The following ASAP1 variants were observed in gnomAD, a reference collection of about 807,000 sequenced individuals.
ASAP1 encodes the protein ArfGAP with SH3 domain, ankyrin repeat and PH domain 1, also known as arf-GAP with SH3 domain, ANK repeat and PH domain-containing protein 1.
Under a neutral mutation model 145.2 loss-of-function variants are expected in ASAP1, and 43 were observed. That is an observed-to-expected ratio of 0.30 (90% CI 0.23 to 0.38). The LOEUF (loss-of-function observed/expected upper bound fraction) is 0.38, where lower values mean the gene tolerates loss of function less well. ASAP1 is among the 10% of genes least tolerant of loss of function. The probability of loss-of-function intolerance (pLI) is 1.00; values close to 1 mark genes in which losing one functional copy is unlikely to be tolerated. For missense variants in ASAP1, 1,018 were observed against 1,355.3 expected, an observed-to-expected ratio of 0.75 and a Z score of 3.91; for synonymous variants, 546 against 515.5, an observed-to-expected ratio of 1.06 and a Z score of -0.80.
At chr8:130,267,944 C>A (rs146178150) in intron 3 of ASAP1, among the ~76,000 whole-genome samples, 62 of 152,254 alleles carry the variant, frequency 4.1e-4, no homozygotes, top group African/African-American at 1.5e-3. Flanking sequence ...TGGTGTTACA[C>A]AAAGCAACAT....
At chr8:130,385,382 G>C (rs556731712) in intron 2 of ASAP1, among the ~76,000 whole-genome samples, 1 of 152,232 alleles carries the variant, frequency 6.6e-6, no homozygotes, top group Non-Finnish European at 1.5e-5. Flanking sequence ...CCCAGAGTTG[G>C]TGAATTAAGA....
At chr8:130,396,577 C>A (rs1828540408) in intron 2 of ASAP1, among the ~76,000 whole-genome samples, 1 of 152,212 alleles carries the variant, frequency 6.6e-6, no homozygotes, top group African/African-American at 2.4e-5. Context: ...AAACACATTT[C>A]TTTTTCTTTT....
chr8:130,129,750 T>C (rs751127433), intron 15 of ASAP1, among the ~76,000 whole-genome samples: 1 of 152,214 alleles, frequency 6.6e-6, no homozygotes, highest in South Asian at 2.1e-4. Context: ...CCTTTGACTC[T>C]AGGTGGCGCT....
intron 12 of ASAP1, among the ~76,000 whole-genome samples, chr8:130,154,543 G>T (rs2097654014): frequency 6.6e-6 from 1 of 152,194 alleles, no homozygotes; most frequent in African/African-American, 2.4e-5. Flanking sequence ...GCCTTCTGTT[G>T]CTGTGGAAAC....
At chr8:130,249,368 GT>G (rs749364451) in intron 3 of ASAP1, among the ~76,000 whole-genome samples, 5 of 152,052 alleles carry the variant, frequency 3.3e-5, no homozygotes, top group Non-Finnish European at 7.4e-5. Flanking sequence ...TATATTCCTG[GT>G]TCTCCAAGTT....
At position 130,150,828 on chromosome 8, in the gene ASAP1, C is replaced by T. The variant is rs185749538; in HGVS notation, c.1080+1908G>A. Among the ~76,000 whole-genome samples, 19 of 152,148 alleles carry T rather than the reference C, an allele frequency of 1.2e-4. No individual in the cohort carries two copies. In the East Asian group the frequency reaches 1.4e-3, roughly 11 times the overall value. ...CCAGGATGCAGAGGTTGCAGTAAGC[C>T]GAGATCGTGCTACTGCATTCCAGCC... On this transcript the variant is annotated intron_variant, in intron 13 of 29. Coordinates refer to ENST00000518721, the MANE Select transcript of ASAP1 (RefSeq NM_018482.4).
intron 2 of ASAP1, among the ~76,000 whole-genome samples, chr8:130,393,478 A>T (rs1377309243): frequency 1.3e-5 from 2 of 152,220 alleles, no homozygotes; most frequent in Admixed American, 1.3e-4. Flanking sequence ...TAGGAAGGCC[A>T]AGCACAGTGG....
intron 5 of ASAP1, among the ~76,000 whole-genome samples, chr8:130,188,669 G>C (rs1489329479): frequency 8.1e-6 from 1 of 123,736 alleles, no homozygotes; most frequent in African/African-American, 2.9e-5. Flanking sequence ...GGGAGGCGGA[G>C]GTTGCAGTGA....
intron 2 of ASAP1, among the ~76,000 whole-genome samples, chr8:130,375,942 G>A (rs1827467821): frequency 6.6e-6 from 1 of 152,180 alleles, no homozygotes; most frequent in Non-Finnish European, 1.5e-5. Flanking sequence ...CTGATGTCCT[G>A]AGGAGTAGTG....
chr8:130,106,223 C>T lies in ASAP1; in HGVS notation c.2401+5871G>A, dbSNP rs146371198. On this transcript the variant is annotated intron_variant, in intron 24 of 29. Transcript: ENST00000518721. ...GAAAAAAACACCCTAAAACAAAACA[C>T]GAATCAAGGGTGACAGCCTATGAGA... is the stretch of plus-strand genomic sequence containing the variant. Among the ~76,000 whole-genome samples, 38 of 152,236 alleles carry T rather than the reference C, an allele frequency of 2.5e-4. 1 individual carries two copies. The East Asian group carries it at 6.8e-3, about 27-fold the overall frequency.
intron 3 of ASAP1, among the ~76,000 whole-genome samples, chr8:130,248,411 C>T (rs565550771): frequency 6.6e-6 from 1 of 152,224 alleles, no homozygotes; most frequent in African/African-American, 2.4e-5. Context: ...AGAAAACAGG[C>T]CCTTGTTGTT....
At chr8:130,155,954 C>T (rs986936025) in intron 12 of ASAP1, among the ~76,000 whole-genome samples, 9 of 152,184 alleles carry the variant, frequency 5.9e-5, no homozygotes, top group Admixed American at 5.2e-4. Flanking sequence ...TTGATCCCAG[C>T]GCGATCTCTA....
intron 24 of ASAP1, among the ~76,000 whole-genome samples, chr8:130,106,359 C>T (rs2097536855): frequency 6.6e-6 from 1 of 152,126 alleles, no homozygotes; most frequent in Non-Finnish European, 1.5e-5. Flanking sequence ...AAATATTTCC[C>T]ATGCGAGTCT....
intron 3 of ASAP1, among the ~76,000 whole-genome samples, chr8:130,320,620 G>A (rs532331031): frequency 9.7e-5 from 12 of 123,668 alleles, no homozygotes; most frequent in Non-Finnish European, 1.5e-4. Context: ...GAGAAGTCTA[G>A]GGCTGTATGA....
chr8:130,148,862 C>A (rs567023537), intron 13 of ASAP1, among the ~76,000 whole-genome samples: 2 of 151,898 alleles, frequency 1.3e-5, no homozygotes, highest in South Asian at 4.2e-4. Context: ...TGAGACAGGG[C>A]CTGGCTCTGT....
intron 3 of ASAP1, among the ~76,000 whole-genome samples, chr8:130,295,826 A>T (rs1479985941): frequency 3.3e-5 from 5 of 152,208 alleles, no homozygotes; most frequent in Non-Finnish European, 7.3e-5. Flanking sequence ...GAGATATCAG[A>T]AATCTTTTTG....
intron 3 of ASAP1, among the ~76,000 whole-genome samples, chr8:130,297,066 G>A (rs962772710): frequency 6.6e-6 from 1 of 152,172 alleles, no homozygotes; most frequent in Non-Finnish European, 1.5e-5. Context: ...ACAGCTGTGT[G>A]GGGGGTTAAA....
At chr8:130,122,149 C>A (rs2097567268) in intron 18 of ASAP1, among the ~76,000 whole-genome samples, 1 of 152,186 alleles carries the variant, frequency 6.6e-6, no homozygotes, top group South Asian at 2.1e-4. Context: ...TCTCCCCATT[C>A]CCCACACACT....
intron 1 of ASAP1, among the ~76,000 whole-genome samples, chr8:130,402,880 T>C (rs1445894259): frequency 1.3e-5 from 2 of 151,848 alleles, no homozygotes; most frequent in African/African-American, 4.8e-5. Flanking sequence ...CCCTCTGAAA[T>C]CTAGTCTTCC....
Sources: allele counts gnomAD v4.1 joint callset (sites outside exome capture counted in the v4.1 genomes callset), GRCh38; gene constraint gnomAD v4.1.1; transcripts MANE v1.5; gene names NCBI Gene and HGNC (gene_info 2026-07-23, HGNC 2026-07-21).